LINGO2: variants seen among roughly 807,000 people sequenced by gnomAD.
The protein encoded by LINGO2 is leucine rich repeat and Ig domain containing 2.
A neutral mutation model predicts 30.6 loss-of-function variants in LINGO2; 14 were observed. The observed-to-expected ratio is 0.46, with a 90% CI of 0.30 to 0.72. The LOEUF (loss-of-function observed/expected upper bound fraction) is 0.72. LINGO2 is among the 30% of genes least tolerant of loss of function. The probability of loss-of-function intolerance (pLI) is 0.07; values close to 1 mark genes in which losing one functional copy is unlikely to be tolerated. For synonymous variants in LINGO2, 317 were observed against 288.5 expected (o/e 1.10, Z -1.00); for missense variants, 729 against 751.7 (o/e 0.97, Z 0.35).
the LINGO2 span, among the ~76,000 whole-genome samples, chr9:29,191,649 T>C: frequency 1.3e-5 from 2 of 152,174 alleles, no homozygotes; most frequent in Non-Finnish European, 2.9e-5. Context: ...GTTGCTTCAC[T>C]GTCTAGTTTC....
At chr9:28,687,297 C>T in the LINGO2 span, among the ~76,000 whole-genome samples, 14 of 152,222 alleles carry the variant, frequency 9.2e-5, no homozygotes, top group Non-Finnish European at 5.9e-5. Flanking sequence ...CCATTTATAG[C>T]TTCACTTTAA....
the LINGO2 span, among the ~76,000 whole-genome samples, chr9:28,894,266 C>T: frequency 6.6e-6 from 1 of 152,018 alleles, no homozygotes; most frequent in Non-Finnish European, 1.5e-5. Context: ...GGTATATACC[C>T]AGTTTGACAA....
intron 1 of LINGO2, among the ~76,000 whole-genome samples, chr9:28,635,877 G>T (rs555984398): frequency 6.6e-6 from 1 of 152,044 alleles, no homozygotes; most frequent in Non-Finnish European, 1.5e-5. Context: ...ACAACGTACA[G>T]GTTTGTTAAA....
At chr9:28,189,389 G>A (rs201184406) in intron 4 of LINGO2, among the ~76,000 whole-genome samples, 2 of 11,910 alleles carry the variant, frequency 1.7e-4, no homozygotes, top group Admixed American at 2.4e-3. Context: ...GGAAGGAAGG[G>A]AGGGAGGAAG....
chr9:28,958,509 C>T, the LINGO2 span, among the ~76,000 whole-genome samples: 7 of 152,086 alleles, frequency 4.6e-5, no homozygotes, highest in African/African-American at 1.7e-4. Context: ...TTTAGAATGC[C>T]GACAGCCTCT....
the LINGO2 span, among the ~76,000 whole-genome samples, chr9:29,075,581 T>A: frequency 6.6e-6 from 1 of 152,184 alleles, no homozygotes; most frequent in South Asian, 2.1e-4. Flanking sequence ...TAACTTTATT[T>A]TTATTGCTTT....
At chr9:28,675,216 C>T (rs573180088), upstream of LINGO2, among the ~76,000 whole-genome samples, 10 of 152,224 alleles carry the variant, frequency 6.6e-5, no homozygotes, top group South Asian at 6.2e-4. Flanking sequence ...TATTTTCTCA[C>T]GATTACAGAT....
At chr9:28,796,527 A>G in the LINGO2 span, among the ~76,000 whole-genome samples, 2 of 152,074 alleles carry the variant, frequency 1.3e-5, no homozygotes, top group Non-Finnish European at 2.9e-5. Context: ...AATTAGCTAA[A>G]TGGTGCACTA....
At chr9:28,308,474 A>C (rs1287905320) in intron 3 of LINGO2, among the ~76,000 whole-genome samples, 6 of 146,844 alleles carry the variant, frequency 4.1e-5, no homozygotes, top group Admixed American at 3.5e-4. Flanking sequence ...AAACCATAAA[A>C]ACCCTAGAAG....
the LINGO2 span, among the ~76,000 whole-genome samples, chr9:29,191,321 A>G: frequency 6.6e-6 from 1 of 152,202 alleles, no homozygotes; most frequent in Non-Finnish European, 1.5e-5. Context: ...TGAACTTAAG[A>G]ATTTCTAACA....
chr9:29,200,642 G>GTATGTC, the LINGO2 span, among the ~76,000 whole-genome samples: 2 of 151,986 alleles, frequency 1.3e-5, no homozygotes, highest in Non-Finnish European at 2.9e-5. Context: ...TCTTACATAA[G>GTATGTC]TATGGTACAT....
At chr9:28,982,630 A>G in the LINGO2 span, among the ~76,000 whole-genome samples, 1 of 152,024 alleles carries the variant, frequency 6.6e-6, no homozygotes, top group African/African-American at 2.4e-5. Flanking sequence ...CCCTTCAGAG[A>G]AAAATTTTTC....
intron 4 of LINGO2, among the ~76,000 whole-genome samples, chr9:28,289,780 C>T (rs1307904709): frequency 2.0e-5 from 3 of 152,188 alleles, no homozygotes; most frequent in African/African-American, 7.2e-5. Flanking sequence ...ACTGAAGCAT[C>T]TTCTCTCTCC....
the LINGO2 span, among the ~76,000 whole-genome samples, chr9:28,698,341 G>C: frequency 1.3e-5 from 2 of 151,820 alleles, no homozygotes; most frequent in African/African-American, 4.8e-5. Flanking sequence ...TTAGAATCCT[G>C]TTATTCAAAA....
At chr9:27,986,002 C>T (rs550359318) in intron 5 of LINGO2, among the ~76,000 whole-genome samples, 3 of 151,932 alleles carry the variant, frequency 2.0e-5, no homozygotes, top group African/African-American at 7.2e-5. Context: ...AAAGGAGAGG[C>T]AATGTTATTC....
chr9:28,486,998 A>G (rs993439611), intron 1 of LINGO2, among the ~76,000 whole-genome samples: 1 of 152,062 alleles, frequency 6.6e-6, no homozygotes, highest in Non-Finnish European at 1.5e-5. Flanking sequence ...AGATGGCCTC[A>G]AGGTAGAGTA....
intron 2 of LINGO2, among the ~76,000 whole-genome samples, chr9:28,401,855 G>A (rs1822282012): frequency 6.6e-6 from 1 of 152,118 alleles, no homozygotes; most frequent in Non-Finnish European, 1.5e-5. Flanking sequence ...GTATCTCACT[G>A]TGGTTTTGAT....
the LINGO2 span, among the ~76,000 whole-genome samples, chr9:28,987,531 A>G: frequency 6.6e-6 from 1 of 151,872 alleles, no homozygotes; most frequent in Non-Finnish European, 1.5e-5. Context: ...TCTAGTCCGT[A>G]TTTCATTTAT....
At chr9:29,092,245 C>G in the LINGO2 span, among the ~76,000 whole-genome samples, 1 of 151,940 alleles carries the variant, frequency 6.6e-6, no homozygotes, top group Non-Finnish European at 1.5e-5. Context: ...AAGTTAGAGT[C>G]AGGGCACAGA....
Sources: allele counts gnomAD v4.1 joint callset (sites outside exome capture counted in the v4.1 genomes callset), GRCh38; gene constraint gnomAD v4.1.1; transcripts MANE v1.5; gene names NCBI Gene and HGNC (gene_info 2026-07-23, HGNC 2026-07-21).